PPM1E: variants seen among roughly 807,000 people sequenced by gnomAD.
The protein encoded by PPM1E is protein phosphatase 1E.
A neutral mutation model predicts 65.9 loss-of-function variants in PPM1E; 20 were observed. The ratio of observed to expected loss-of-function variants is 0.30; its 90% CI spans 0.21 to 0.44. The LOEUF (loss-of-function observed/expected upper bound fraction) is 0.44, where lower values mean the gene tolerates loss of function less well. Among genes scored for constraint, PPM1E ranks in the 20% least tolerant of loss-of-function variants. The pLI is 1.00. For missense variants in PPM1E, 713 were observed against 953.1 expected (o/e 0.75, Z 3.32); for synonymous variants, 352 against 374.9 (o/e 0.94, Z 0.70).
chr17:58,952,240 T>C (rs530655599), intron 1 of PPM1E, among the ~76,000 whole-genome samples: 2 of 152,304 alleles, frequency 1.3e-5, no homozygotes, highest in East Asian at 3.9e-4. Context: ...ATGCACATCA[T>C]GGGTTGACCA....
At chr17:58,843,148 A>G (rs1005957179) in intron 1 of PPM1E, among the ~76,000 whole-genome samples, 1 of 151,688 alleles carries the variant, frequency 6.6e-6, no homozygotes, top group Admixed American at 6.6e-5. Context: ...TTAGTCGGGC[A>G]TGGTGGCGGC....
At chr17:58,762,445 A>G (rs1408905148) in intron 1 of PPM1E, among the ~76,000 whole-genome samples, 2 of 152,104 alleles carry the variant, frequency 1.3e-5, no homozygotes, top group African/African-American at 4.8e-5. Flanking sequence ...CCTGGGTAAC[A>G]GAGTGAGACC....
At chr17:58,791,159 A>G (rs1222084408) in intron 1 of PPM1E, among the ~76,000 whole-genome samples, 1 of 152,026 alleles carries the variant, frequency 6.6e-6, no homozygotes. Flanking sequence ...CCCAAAGTGC[A>G]GGGATTACAG....
intron 1 of PPM1E, among the ~76,000 whole-genome samples, chr17:58,837,484 A>G (rs2050674392): frequency 6.7e-6 from 1 of 148,644 alleles, no homozygotes; most frequent in South Asian, 2.1e-4. Context: ...CAGAAATTCT[A>G]TTAAAATCAT....
At chr17:58,889,908 C>G (rs2051325022) in intron 1 of PPM1E, among the ~76,000 whole-genome samples, 3 of 152,202 alleles carry the variant, frequency 2.0e-5, no homozygotes, top group African/African-American at 7.2e-5. Flanking sequence ...ATTACTTATT[C>G]AGCATGAGGT....
intron 1 of PPM1E, among the ~76,000 whole-genome samples, chr17:58,926,057 T>C (rs939824162): frequency 6.6e-6 from 1 of 152,122 alleles, no homozygotes; most frequent in African/African-American, 2.4e-5. Flanking sequence ...TTGCAAAGTA[T>C]TGGCTGGGTG....
chr17:58,794,583 G>A (rs1309347806), intron 1 of PPM1E, among the ~76,000 whole-genome samples: 1 of 151,942 alleles, frequency 6.6e-6, no homozygotes, highest in Non-Finnish European at 1.5e-5. Flanking sequence ...CTTCCGGTAG[G>A]CCCCAGTGTC....
chr17:58,778,203 A>G (rs1194796246), intron 1 of PPM1E, among the ~76,000 whole-genome samples: 1 of 151,904 alleles, frequency 6.6e-6, no homozygotes, highest in East Asian at 1.9e-4. Context: ...AGGTTCAAAC[A>G]ATTATCCTGC....
chr17:58,881,661 A>AAAAAAAC (rs745680582), intron 1 of PPM1E, among the ~76,000 whole-genome samples: 10 of 151,862 alleles, frequency 6.6e-5, no homozygotes, highest in African/African-American at 2.4e-4. Flanking sequence ...ATTCCATCTC[A>AAAAAAAC]AAAAAACAAA....
intron 1 of PPM1E, among the ~76,000 whole-genome samples, chr17:58,935,986 A>C (rs1049277750): frequency 6.9e-6 from 1 of 144,164 alleles, no homozygotes; most frequent in African/African-American, 2.5e-5. Context: ...GCCACCCCAC[A>C]ACAGTCCTCA....
At chr17:58,773,635 T>C (rs887978934) in intron 1 of PPM1E, among the ~76,000 whole-genome samples, 4 of 152,154 alleles carry the variant, frequency 2.6e-5, no homozygotes, top group African/African-American at 7.2e-5. Context: ...TCATGTTTGA[T>C]CCACAGCACT....
At chr17:58,857,087 T>G (rs1158066138) in intron 1 of PPM1E, among the ~76,000 whole-genome samples, 1 of 152,214 alleles carries the variant, frequency 6.6e-6, no homozygotes, top group African/African-American at 2.4e-5. Flanking sequence ...TTCATGTATA[T>G]TTGAACCATT....
At chr17:58,824,735 C>A (rs975658206) in intron 1 of PPM1E, among the ~76,000 whole-genome samples, 8 of 151,064 alleles carry the variant, frequency 5.3e-5, no homozygotes, top group African/African-American at 1.9e-4. Context: ...ACTACAGGTG[C>A]CCGTCACCAC....
At chr17:58,770,446 A>G (rs1349296231) in intron 1 of PPM1E, among the ~76,000 whole-genome samples, 1 of 152,042 alleles carries the variant, frequency 6.6e-6, no homozygotes, top group African/African-American at 2.4e-5. Flanking sequence ...GATCACTTGA[A>G]CCCAGGAGAT....
intron 1 of PPM1E, among the ~76,000 whole-genome samples, chr17:58,945,520 G>T (rs1198051688): frequency 6.6e-6 from 1 of 152,030 alleles, no homozygotes; most frequent in Admixed American, 6.6e-5. Context: ...CATCAATTAG[G>T]TGTCTTACAA....
chr17:58,821,895 C>T (rs1468167124), intron 1 of PPM1E, among the ~76,000 whole-genome samples: 5 of 152,166 alleles, frequency 3.3e-5, no homozygotes, highest in African/African-American at 1.2e-4. Flanking sequence ...AATTATTCAA[C>T]GCTTATGCAG....
intron 1 of PPM1E, among the ~76,000 whole-genome samples, chr17:58,825,450 C>T (rs539537673): frequency 6.6e-6 from 1 of 151,012 alleles, no homozygotes; most frequent in Admixed American, 6.6e-5. Flanking sequence ...AATATCTAAG[C>T]GTTTTTCAAT....
chr17:58,971,655 C>T (rs1281421825), intron 4 of PPM1E, among the ~76,000 whole-genome samples: 3 of 152,106 alleles, frequency 2.0e-5, no homozygotes, highest in Non-Finnish European at 1.5e-5. Context: ...TGTTGTGTAC[C>T]AATCAGATGT....
At chr17:58,913,878 G>A (rs989741733) in intron 1 of PPM1E, among the ~76,000 whole-genome samples, 3 of 152,178 alleles carry the variant, frequency 2.0e-5, no homozygotes, top group Non-Finnish European at 4.4e-5. Context: ...CAAATCTTGT[G>A]ACCTCTGGCT....
Sources: allele counts gnomAD v4.1 joint callset (sites outside exome capture counted in the v4.1 genomes callset), GRCh38; gene constraint gnomAD v4.1.1; transcripts MANE v1.5; gene names NCBI Gene and HGNC (gene_info 2026-07-23, HGNC 2026-07-21).